Variants in BLTP3A observed in about 807,000 individuals in gnomAD.
The protein encoded by BLTP3A is bridge-like lipid transfer protein family member 3A.
At chr6:34,827,301 C>T in the BLTP3A span, among the ~76,000 whole-genome samples, 1 of 149,450 alleles carries the variant, frequency 6.7e-6, no homozygotes, top group Non-Finnish European at 1.5e-5. Context: ...CAGAGTGAGA[C>T]TCTGTTTCAA....
the BLTP3A span, among the ~76,000 whole-genome samples, chr6:34,813,662 G>A: frequency 6.6e-6 from 1 of 152,132 alleles, no homozygotes; most frequent in Admixed American, 6.5e-5. Flanking sequence ...CCTCAATTAG[G>A]AACACAAATG....
At chr6:34,853,299 C>T in the BLTP3A span, among the ~76,000 whole-genome samples, 6 of 152,108 alleles carry the variant, frequency 3.9e-5, no homozygotes. Flanking sequence ...GCCTCAGCCT[C>T]CTGACTGAGG....
the BLTP3A span, among the ~76,000 whole-genome samples, chr6:34,849,619 G>A: frequency 0.14 from 21,476 of 151,932 alleles, 1,800 homozygotes; most frequent in African/African-American, 0.23. Flanking sequence ...TAATCACAGG[G>A]TTATAATATT....
At chr6:34,824,274 T>A in the BLTP3A span, among the ~76,000 whole-genome samples, 1 of 152,154 alleles carries the variant, frequency 6.6e-6, no homozygotes, top group Non-Finnish European at 1.5e-5. Context: ...GGCTCACGCC[T>A]GTAATCCCAG....
At chr6:34,852,113 C>T in the BLTP3A span, among the ~76,000 whole-genome samples, 1 of 152,056 alleles carries the variant, frequency 6.6e-6, no homozygotes, top group African/African-American at 2.4e-5. Context: ...TTGTACCCTA[C>T]CCCACTATGG....
chr6:34,862,205 G>A, the BLTP3A span, among the ~76,000 whole-genome samples: 3 of 151,438 alleles, frequency 2.0e-5, no homozygotes, highest in Non-Finnish European at 4.4e-5. Context: ...GTGAAATCCC[G>A]TCTCTACTAA....
the BLTP3A span, among the ~76,000 whole-genome samples, chr6:34,831,093 C>G: frequency 6.6e-6 from 1 of 150,608 alleles, no homozygotes. Context: ...ATATCTTCTA[C>G]TCTGTACAGA....
the BLTP3A span, among the ~76,000 whole-genome samples, chr6:34,871,287 A>T: frequency 1.3e-5 from 2 of 152,286 alleles, no homozygotes; most frequent in Admixed American, 6.5e-5. Flanking sequence ...TGTCAGTGTT[A>T]TAGTGGTATA....
At chr6:34,803,779 A>G in the BLTP3A span, among the ~76,000 whole-genome samples, 1 of 151,686 alleles carries the variant, frequency 6.6e-6, no homozygotes, top group Non-Finnish European at 1.5e-5. Context: ...AAAGTTGAAG[A>G]GTTCTAATAT....
chr6:34,818,959 T>C, the BLTP3A span, among the ~76,000 whole-genome samples: 1 of 151,998 alleles, frequency 6.6e-6, no homozygotes, highest in Non-Finnish European at 1.5e-5. Flanking sequence ...AAGATACATA[T>C]AGTGAAAAAA....
the BLTP3A span, chr6:34,859,414 A>C: frequency 6.2e-7 from 1 of 1,614,178 alleles, no homozygotes; most frequent in Non-Finnish European, 8.5e-7. Context: ...AGAATTGTCA[A>C]GTGCTATTCA....
At chr6:34,844,352 G>A in the BLTP3A span, among the ~76,000 whole-genome samples, 1 of 152,140 alleles carries the variant, frequency 6.6e-6, no homozygotes, top group Non-Finnish European at 1.5e-5. Flanking sequence ...TCAGCTTACT[G>A]CAACCTCTGC....
the BLTP3A span, chr6:34,857,574 T>A: frequency 6.6e-7 from 1 of 1,513,382 alleles, no homozygotes. Context: ...GAGTTTTCAG[T>A]GTTTGAGTTA....
the BLTP3A span, among the ~76,000 whole-genome samples, chr6:34,868,451 G>A: frequency 6.6e-6 from 1 of 151,558 alleles, no homozygotes; most frequent in Non-Finnish European, 1.5e-5. Flanking sequence ...GGCTGGGTGT[G>A]GTGGCTCATG....
chr6:34,816,656 C>G, the BLTP3A span, among the ~76,000 whole-genome samples: 2 of 152,046 alleles, frequency 1.3e-5, no homozygotes, highest in Non-Finnish European at 2.9e-5. Context: ...TATGAAAGAG[C>G]AGTTTATCTT....
At chr6:34,808,609 G>A in the BLTP3A span, among the ~76,000 whole-genome samples, 5 of 151,796 alleles carry the variant, frequency 3.3e-5, no homozygotes, top group African/African-American at 1.2e-4. Context: ...GTTGAGACAG[G>A]ATCTCACTCT....
At chr6:34,857,869 T>G in the BLTP3A span, 1 of 1,613,918 alleles carries the variant, frequency 6.2e-7, no homozygotes, top group African/African-American at 1.3e-5. Context: ...AAGATTCAAG[T>G]CAGAAAGATG....
the BLTP3A span, among the ~76,000 whole-genome samples, chr6:34,800,227 A>G: frequency 3.3e-5 from 5 of 152,200 alleles, no homozygotes; most frequent in Non-Finnish European, 7.3e-5. Flanking sequence ...AGGGTGAAAA[A>G]TTAGAGGTCA....
chr6:34,844,521 C>A, the BLTP3A span, among the ~76,000 whole-genome samples: 206 of 152,220 alleles, frequency 1.4e-3, no homozygotes, highest in African/African-American at 4.8e-3. Flanking sequence ...GTGATCTGCC[C>A]GCCTCAGCTT....
Sources: gnomAD v4.1 joint callset for allele counts (sites outside exome capture counted in the v4.1 genomes callset) on GRCh38, gnomAD v4.1.1 for gene constraint, MANE v1.5 for transcripts, NCBI Gene and HGNC (gene_info 2026-07-23, HGNC 2026-07-21) for gene names.